Variants in ASIC2 observed in about 807,000 individuals in gnomAD.
ASIC2 encodes the protein acid-sensing ion channel 2.
A neutral mutation model predicts 57.3 loss-of-function variants in ASIC2; 25 were observed. That is an observed-to-expected ratio of 0.44 (90% CI 0.32 to 0.61). The LOEUF (loss-of-function observed/expected upper bound fraction) is 0.61. Ranked by LOEUF, ASIC2 falls within the 20% of genes least tolerant of loss-of-function variation. The pLI is 0.06. For missense variants in ASIC2, 641 were observed against 738.1 expected (o/e 0.87, Z 1.52); for synonymous variants, 319 against 307.5 (o/e 1.04, Z -0.39).
intron 1 of ASIC2, among the ~76,000 whole-genome samples, chr17:33,851,345 G>T (rs1913759135): frequency 6.6e-6 from 1 of 152,062 alleles, no homozygotes; most frequent in Non-Finnish European, 1.5e-5. Context: ...AGACCATGAG[G>T]CTGGGGGCAA....
At chr17:34,151,018 G>T (rs1046829508) in intron 1 of ASIC2, among the ~76,000 whole-genome samples, 1 of 150,370 alleles carries the variant, frequency 6.7e-6, no homozygotes, top group South Asian at 2.1e-4. Flanking sequence ...CAGGAGAATC[G>T]CTTGAACCTG....
chr17:33,300,033 G>A lies in ASIC2; in HGVS notation c.556-187966C>T, dbSNP rs573117108. Among the ~76,000 whole-genome samples, 5 of 152,176 alleles carry A rather than the reference G, an allele frequency of 3.3e-5. No individual in the cohort carries two copies. The South Asian group carries it at 1.0e-3, about 32-fold the overall frequency. Reference sequence around the variant, plus strand: ...CACCCTATGAGAGGATCTTTAAAAAGAATCCATTTTGAAATTGGTAACATA... The same window carrying A: ...CACCCTATGAGAGGATCTTTAAAAAAAATCCATTTTGAAATTGGTAACATA... On this transcript the variant is annotated intron_variant, in intron 1 of 9. Coordinates refer to the ASIC2 transcript ENST00000359872.
intron 1 of ASIC2, among the ~76,000 whole-genome samples, chr17:34,097,123 T>C (rs943919373): frequency 6.6e-6 from 1 of 152,174 alleles, no homozygotes; most frequent in African/African-American, 2.4e-5. Flanking sequence ...ATCAATATTT[T>C]CTGCTCCTTT....
intron 1 of ASIC2, among the ~76,000 whole-genome samples, chr17:33,812,338 T>C (rs889129871): frequency 6.6e-6 from 1 of 152,222 alleles, no homozygotes; most frequent in East Asian, 1.9e-4. Context: ...GCTCTTAGCA[T>C]GTCAAGAGCA....
chr17:33,983,742 G>C (rs535104865), intron 1 of ASIC2, among the ~76,000 whole-genome samples: 1 of 152,284 alleles, frequency 6.6e-6, no homozygotes, highest in African/African-American at 2.4e-5. Context: ...CTCTCAACTG[G>C]GGGCAGTTCT....
intron 1 of ASIC2, among the ~76,000 whole-genome samples, chr17:33,597,941 C>T (rs1312254316): frequency 6.6e-6 from 1 of 152,190 alleles, no homozygotes; most frequent in African/African-American, 2.4e-5. Context: ...GAATGTCTTC[C>T]AAATACTCCT....
chr17:33,826,353 G>T (rs74545378), intron 1 of ASIC2, among the ~76,000 whole-genome samples: 6 of 152,234 alleles, frequency 3.9e-5, no homozygotes, highest in East Asian at 3.9e-4. Context: ...ATCCCTTTTT[G>T]GGGGAGTGAG....
At chr17:33,454,211 TG>T (rs1029906588) in intron 1 of ASIC2, among the ~76,000 whole-genome samples, 6 of 152,328 alleles carry the variant, frequency 3.9e-5, no homozygotes, top group African/African-American at 1.4e-4. Context: ...AGTGGTGTTG[TG>T]GGAAGTAAAG....
At chr17:33,856,923 G>T (rs1303542841) in intron 1 of ASIC2, among the ~76,000 whole-genome samples, 1 of 152,108 alleles carries the variant, frequency 6.6e-6, no homozygotes, top group Non-Finnish European at 1.5e-5. Context: ...CTACTGAGGA[G>T]TGTGGGCTTG....
chr17:34,068,220 T>C (rs576091846), intron 1 of ASIC2, among the ~76,000 whole-genome samples: 4 of 152,134 alleles, frequency 2.6e-5, no homozygotes, highest in Non-Finnish European at 5.9e-5. Flanking sequence ...CAGGCACCAT[T>C]AATGTATGAT....
chr17:33,311,428 C>CTGTGTGTG (rs34323667), intron 1 of ASIC2, among the ~76,000 whole-genome samples: 19 of 148,046 alleles, frequency 1.3e-4, no homozygotes, highest in African/African-American at 3.5e-4. Flanking sequence ...GTCTGTCTAT[C>CTGTGTGTG]TGTGTGTGTG....
rs918626883 is a variant in ASIC2 at position 33,232,508 on chromosome 17, T to C, written c.708+58900A>G. 5.6e-5 allele frequency among the ~76,000 whole-genome samples: 8 copies of C among 142,822 alleles called. No homozygotes were observed. In the East Asian group the frequency reaches 5.9e-4, roughly 11 times the overall value. 93.7% of individuals were successfully genotyped at this position (142,822 alleles called of 152,430 possible). ...TGGTATGGTATGGTACGGTATGGTA[T>C]GGTATGGCAGCCCAAGAAAACTAAG... On this transcript the variant is annotated intron_variant, in intron 1 of 9. Coordinates refer to ENST00000225823, the MANE Select transcript of ASIC2 (RefSeq NM_183377.2).
intron 1 of ASIC2, among the ~76,000 whole-genome samples, chr17:33,554,320 T>G (rs1597782442): frequency 6.6e-6 from 1 of 151,880 alleles, no homozygotes; most frequent in South Asian, 2.1e-4. Flanking sequence ...GGGAGAGAGA[T>G]AGTAATGGAG....
intron 1 of ASIC2, among the ~76,000 whole-genome samples, chr17:33,898,643 AT>A (rs1915163316): frequency 6.6e-6 from 1 of 152,008 alleles, no homozygotes; most frequent in Non-Finnish European, 1.5e-5. Flanking sequence ...AATTTTATTT[AT>A]TTTTCCACTA....
chr17:33,500,998 C>A (rs905936323), intron 1 of ASIC2, among the ~76,000 whole-genome samples: 1 of 152,228 alleles, frequency 6.6e-6, no homozygotes, highest in South Asian at 2.1e-4. Flanking sequence ...TCCCAGGCAA[C>A]GCAGTGTCCT....
At chr17:33,126,685 C>T (rs1281419285) in intron 1 of ASIC2, among the ~76,000 whole-genome samples, 1 of 151,928 alleles carries the variant, frequency 6.6e-6, no homozygotes, top group Non-Finnish European at 1.5e-5. Context: ...ACTTAGGAGG[C>T]TGAGGCAGGA....
At chr17:33,682,209 G>A (rs1003332867) in intron 1 of ASIC2, among the ~76,000 whole-genome samples, 5 of 151,158 alleles carry the variant, frequency 3.3e-5, no homozygotes, top group African/African-American at 7.3e-5. Flanking sequence ...ACAGGTGCCC[G>A]CCACCATGCC....
At chr17:34,098,463 G>C (rs1319882031) in intron 1 of ASIC2, among the ~76,000 whole-genome samples, 4 of 152,194 alleles carry the variant, frequency 2.6e-5, no homozygotes, top group Non-Finnish European at 5.9e-5. Flanking sequence ...GGGATGGAAG[G>C]TTTTCTAAAG....
At chr17:33,671,634 T>A (rs1907642172) in intron 1 of ASIC2, among the ~76,000 whole-genome samples, 1 of 152,180 alleles carries the variant, frequency 6.6e-6, no homozygotes, top group African/African-American at 2.4e-5. Context: ...TCAGCCTGCG[T>A]GGACATCCAC....
Sources: allele counts gnomAD v4.1 joint callset (sites outside exome capture counted in the v4.1 genomes callset), GRCh38; gene constraint gnomAD v4.1.1; transcripts MANE v1.5; gene names NCBI Gene and HGNC (gene_info 2026-07-23, HGNC 2026-07-21).